RASGEF1B: variants seen among roughly 807,000 people sequenced by gnomAD.
The protein encoded by RASGEF1B is RasGEF domain family member 1B, also known as ras-GEF domain-containing family member 1B.
Under a neutral mutation model 65.7 loss-of-function variants are expected in RASGEF1B, and 30 were observed. The observed-to-expected ratio is 0.46, with a 90% CI of 0.34 to 0.62. The LOEUF is 0.62. Ranked by LOEUF, RASGEF1B falls within the 20% of genes least tolerant of loss-of-function variation. The pLI is 0.01. For missense variants in RASGEF1B, 495 were observed against 580.1 expected, an observed-to-expected ratio of 0.85 and a Z score of 1.51; for synonymous variants, 175 against 194.8, an observed-to-expected ratio of 0.90 and a Z score of 0.85.
intron 1 of RASGEF1B, among the ~76,000 whole-genome samples, chr4:81,463,636 G>A (rs1001477526): frequency 9.9e-5 from 15 of 152,088 alleles, no homozygotes; most frequent in Admixed American, 3.3e-4. Context: ...TAATAGAAGC[G>A]TTTTATAATC....
chr4:81,462,572 A>G (rs764341751), intron 1 of RASGEF1B, among the ~76,000 whole-genome samples: 94 of 152,328 alleles, frequency 6.2e-4, no homozygotes, highest in South Asian at 1.2e-3. Context: ...ATAACCAACT[A>G]CTGAGATTCA....
At chr4:81,470,157 A>G (rs1360354077) in intron 1 of RASGEF1B, among the ~76,000 whole-genome samples, 1 of 152,214 alleles carries the variant, frequency 6.6e-6, no homozygotes, top group Non-Finnish European at 1.5e-5. Context: ...ACCTTTAATG[A>G]TAGGGTTTAA....
At chr4:81,448,381 C>T in intron 4 of RASGEF1B, 97 bp from the exon 5 acceptor site, 3 of 1,049,278 alleles carry the variant, frequency 2.9e-6, no homozygotes, top group Middle Eastern at 3.1e-4. Context: ...TTTACCTGGA[C>T]ATTGGAGAAT....
At chr4:81,451,362 G>A (rs1722250940) in intron 4 of RASGEF1B, 1 of 152,198 alleles carries the variant, frequency 6.6e-6, no homozygotes, top group Non-Finnish European at 1.5e-5. Context: ...CTGTATAGCA[G>A]CTGAAAGAAG....
In RASGEF1B at chr4:81,448,065, T is replaced by G. The variant is rs777236724; in HGVS notation, c.654+4A>C. The G allele has an allele frequency of 3.1e-6, 5 of 1,613,110 alleles. No individual in the cohort carries two copies. The highest frequency in any genetic ancestry group is 4.2e-6 in the Non-Finnish European group (5 of 1,179,038). On this transcript the variant is annotated splice_donor_region_variant and intron_variant, in intron 5 of 13. Transcript: ENST00000264400. ...GTAAAGGGCAATGATGATAACGGCC[T>G]TACCAGCTCTATATGAGTCAGCTGC...
intron 4 of RASGEF1B, among the ~76,000 whole-genome samples, chr4:81,449,281 T>C (rs1722163426): frequency 6.6e-6 from 1 of 152,230 alleles, no homozygotes; most frequent in African/African-American, 2.4e-5. Flanking sequence ...CCTGCAACAC[T>C]ACTCCCAGGT....
In RASGEF1B at chr4:81,439,736, T is replaced by C. The variant is rs190034766; in HGVS notation, c.1104+1098A>G. Among the ~76,000 whole-genome samples, 325 of 152,302 alleles carry C rather than the reference T, an allele frequency of 2.1e-3. 2 individuals are homozygous for C. Among genetic ancestry groups the C allele is most frequent in the Non-Finnish European group, 4.2e-3 (284 of 68,024 alleles). On this transcript the variant is annotated intron_variant, in intron 10 of 13. Transcript: ENST00000264400. ...ATATTAGATTTTTTTCTCAATCTAA[T>C]CACAAGAGTACTGGGATTGAGCAAG...
chr4:81,444,630 T>C (rs1721956156), intron 8 of RASGEF1B, among the ~76,000 whole-genome samples: 1 of 152,100 alleles, frequency 6.6e-6, no homozygotes, highest in African/African-American at 2.4e-5. Flanking sequence ...TCCGACTCCT[T>C]GGTTCAAGCG....
In RASGEF1B at chr4:81,459,472, T is replaced by C. The variant is rs1481054828; in HGVS notation, c.37A>G (p.Ser13Gly). The change falls in exon 2 of 14, where the codon AGC becomes GGC. Residue 13 changes from serine to glycine, a missense_variant. Ser to Gly is a moderately conservative substitution (Grantham distance 56). Transcript: ENST00000264400. ...QTPPFSAMFD[S>G]SGYNRNLYQS... ...TAGAGGTTTCGATTGTAACCACTGC[T>C]GTCAAACATTGCTGAAAAGGGAGGA... is the stretch of plus-strand genomic sequence containing the variant. 1 of 1,606,508 alleles carries C rather than the reference T, an allele frequency of 6.2e-7. No individual in the cohort carries two copies. Among genetic ancestry groups the C allele is most frequent in the South Asian group, 1.1e-5 (1 of 89,150 alleles).
At chr4:81,448,413 C>A in intron 4 of RASGEF1B, 129 bp from the exon 5 acceptor site, 1 of 746,430 alleles carries the variant, frequency 1.3e-6, no homozygotes, top group African/African-American at 1.7e-5. Context: ...AGGGCAGTTA[C>A]GGGAAGATTC....
chr4:81,456,683 C>A lies in RASGEF1B; in HGVS notation c.406G>T (p.Asp136Tyr), dbSNP rs1262575682. The part of the protein sequence containing the change: ...RDERMMRNLK[D>Y]LAHRIASGEE... The stretch of plus-strand genomic sequence containing the variant: ...CCACTGGCTATTCGGTGAGCCAGAT[C>A]TTTTAAGTTTCTCATCATTCTTTCA... The change falls in exon 4 of 14, where the codon GAT becomes TAT. Residue 136 changes from aspartate (D) to tyrosine (Y), a missense_variant. Coordinates refer to ENST00000264400, the MANE Select transcript of RASGEF1B (RefSeq NM_152545.3). The A allele has an allele frequency of 6.2e-7, 1 of 1,614,062 alleles. No individual in the cohort carries two copies. Among genetic ancestry groups the A allele is most frequent in the Non-Finnish European group, 8.5e-7 (1 of 1,180,014 alleles).
At chr4:81,464,241 A>T (rs1722735493) in intron 1 of RASGEF1B, among the ~76,000 whole-genome samples, 1 of 152,192 alleles carries the variant, frequency 6.6e-6, no homozygotes, top group Non-Finnish European at 1.5e-5. Flanking sequence ...GCCTAACTCA[A>T]TATACCTATC....
At chr4:81,450,564 G>GTTTGTT (rs1266826064) in intron 4 of RASGEF1B, among the ~76,000 whole-genome samples, 2 of 151,854 alleles carry the variant, frequency 1.3e-5, no homozygotes, top group South Asian at 2.1e-4. Context: ...GATGCCTTTT[G>GTTTGTT]TTTGTTTTTG....
chr4:81,437,079 T>A (rs1204728248), intron 10 of RASGEF1B, among the ~76,000 whole-genome samples: 1 of 152,176 alleles, frequency 6.6e-6, no homozygotes, highest in Non-Finnish European at 1.5e-5. Flanking sequence ...GAAAGACTAT[T>A]TGTGAATGGG....
chr4:81,463,666 A>C (rs960565777), intron 1 of RASGEF1B, among the ~76,000 whole-genome samples: 1 of 152,218 alleles, frequency 6.6e-6, no homozygotes, highest in Non-Finnish European at 1.5e-5. Context: ...AATCAGCAGA[A>C]TGGTACAGAA....
rs775528489 is a variant in RASGEF1B, at chr4:81,456,663, G to A, written c.426C>T (p.Ala142=). 1.9e-6 allele frequency: 3 copies of A among 1,614,182 alleles called. No individual in the cohort carries two copies. In the South Asian group the frequency reaches 3.3e-5, roughly 18 times the overall value. The part of the protein sequence containing the change: ...RNLKDLAHRI[A]SGEEQTYRKN... ...TCAGGTTACCAACCTCTTCGCCACT[G>A]GCTATTCGGTGAGCCAGATCTTTTA... Residue 142 remains alanine, a synonymous_variant, in exon 4 of 14, where the codon GCC becomes GCT. Transcript: ENST00000264400.
intron 13 of RASGEF1B, among the ~76,000 whole-genome samples, chr4:81,429,478 A>G (rs1387102898): frequency 6.6e-6 from 1 of 152,162 alleles, no homozygotes; most frequent in Non-Finnish European, 1.5e-5. Flanking sequence ...TGGGTAGAGA[A>G]AGGCAGGTCC....
At chr4:81,438,966 C>T (rs1035553353) in intron 10 of RASGEF1B, among the ~76,000 whole-genome samples, 17 of 152,092 alleles carry the variant, frequency 1.1e-4, no homozygotes, top group African/African-American at 4.1e-4. Flanking sequence ...TTTATCCAGT[C>T]TATCATTGAT....
Position 81,448,199 on chromosome 4 carries a change from G to C in RASGEF1B, c.524C>G (p.Ala175Gly), listed in dbSNP as rs1240058015. The change falls in exon 5 of 14, where the codon GCA (alanine) becomes GGA (glycine). Residue 175 changes from alanine (A) to glycine (G), a missense_variant. By Grantham distance (60) the Ala-to-Gly change is moderately conservative (BLOSUM62 0). Coordinates refer to ENST00000264400, the MANE Select transcript of RASGEF1B (RefSeq NM_152545.3). Reference sequence around the variant, plus strand: ...ATCTGTGGATGTGGAGCTGATTTTTGCCAGGACTTCTTCGTACTGGCTGAG... The same window carrying C: ...ATCTGTGGATGTGGAGCTGATTTTTCCCAGGACTTCTTCGTACTGGCTGAG... ...AALSQYEEVL[A>G]KISSTSTDRL... 8.7e-6 allele frequency: 14 copies of C among 1,613,926 alleles called. No individual in the cohort carries two copies. Among genetic ancestry groups the C allele is most frequent in the Non-Finnish European group, 1.2e-5 (14 of 1,180,020 alleles).
Sources: gnomAD v4.1 joint callset for allele counts (sites outside exome capture counted in the v4.1 genomes callset) on GRCh38, gnomAD v4.1.1 for gene constraint, MANE v1.5 for transcripts, NCBI Gene and HGNC (gene_info 2026-07-23, HGNC 2026-07-21) for gene names.